The following C11orf52 variants were observed in gnomAD, a reference collection of about 807,000 sequenced individuals.
C11orf52 encodes uncharacterized protein C11orf52.
Under a neutral mutation model 11.7 loss-of-function variants are expected in C11orf52, and 9 were observed. The ratio of observed to expected loss-of-function variants is 0.77; its 90% CI spans 0.46 to 1.34. The LOEUF (loss-of-function observed/expected upper bound fraction) is 1.34. Ranked by LOEUF, C11orf52 falls within the 40% of genes most tolerant of loss-of-function variation. The pLI, the probability that C11orf52 is intolerant of heterozygous loss-of-function variation, is 0.00. For missense variants in C11orf52, 139 were observed against 154.8 expected, an observed-to-expected ratio of 0.90 and a Z score of 0.54; for synonymous variants, 49 against 57.4, an observed-to-expected ratio of 0.85 and a Z score of 0.66.
chr11:111,923,169 G>T (rs373578140), intron 1 of C11orf52, among the ~76,000 whole-genome samples: 2 of 152,338 alleles, frequency 1.3e-5, no homozygotes, highest in South Asian at 4.1e-4. Flanking sequence ...TTAGGATAAG[G>T]CTGACTGAGC....
intron 2 of C11orf52, 75 bp from the exon 3 acceptor site, chr11:111,925,578 T>C: frequency 2.8e-6 from 4 of 1,419,664 alleles, no homozygotes; most frequent in South Asian, 1.2e-5. Flanking sequence ...AATAGTTTAA[T>C]AGTGATTTGA....
In C11orf52 at chr11:111,918,944, CA is replaced by C. The variant is rs1965640847; in HGVS notation, c.-28del. 6.2e-7 allele frequency: 1 copy of C among 1,613,990 alleles called. No homozygotes were observed. Among genetic ancestry groups the C allele is most frequent in the African/African-American group, 1.3e-5 (1 of 74,932 alleles). ...GCACAAGCCTCTTGATGCATAAAAA[CA>C]GCTGGGCTCCCTTGGAGACAGAGCG... On this transcript the variant is annotated 5_prime_UTR_variant, in exon 1 of 4. Transcript: ENST00000278601.
intron 2 of C11orf52, 137 bp downstream of exon 2, chr11:111,924,500 G>A (rs1217215146): frequency 6.9e-6 from 5 of 720,810 alleles, no homozygotes; most frequent in South Asian, 2.0e-5. Flanking sequence ...GAGAATCCAG[G>A]TTGCTGCATT....
chr11:111,918,936 C>T lies in C11orf52; in HGVS notation c.-37C>T. 6.2e-7 allele frequency: 1 copy of T among 1,613,758 alleles called. No individual in the cohort carries two copies. Among genetic ancestry groups the T allele is most frequent in the South Asian group, 1.1e-5 (1 of 91,012 alleles). Reference sequence around the variant, plus strand: ...CCGGAAATGCACAAGCCTCTTGATGCATAAAAACAGCTGGGCTCCCTTGGA... The same window carrying T: ...CCGGAAATGCACAAGCCTCTTGATGTATAAAAACAGCTGGGCTCCCTTGGA... On this transcript the variant is annotated 5_prime_UTR_variant, in exon 1 of 4. Coordinates refer to ENST00000278601, the MANE Select transcript of C11orf52 (RefSeq NM_080659.3).
At position 111,924,180 on chromosome 11, in the gene C11orf52, A is replaced by T. The variant is rs1965747833; in HGVS notation, c.33-146A>T. The stretch of plus-strand genomic sequence containing the variant: ...TGGTACCCTTGACTAATGTTTTGGG[A>T]CTGAACCTGGCTCAGGGTGAATCTT... On this transcript the variant is annotated intron_variant, in intron 1 of 3. Coordinates refer to ENST00000278601, the MANE Select transcript of C11orf52 (RefSeq NM_080659.3). 3 of 735,210 alleles carry T rather than the reference A, an allele frequency of 4.1e-6. No homozygotes were observed. The Admixed American group carries it at 6.9e-5, about 17-fold the overall frequency. 45.5% of individuals were successfully genotyped at this position (735,210 alleles called of 1,614,324 possible). A position where few individuals can be genotyped will look rare whatever the true frequency, so the allele number is the denominator to read the frequency against.
chr11:111,925,818 T>C (rs1372560528), intron 3 of C11orf52, 104 bp downstream of exon 3: 1 of 1,565,324 alleles, frequency 6.4e-7, no homozygotes, highest in East Asian at 2.3e-5. Context: ...CCTGTAGAAT[T>C]TGCTGGCTCT....
chr11:111,926,283 C>T lies in C11orf52; in HGVS notation c.*84C>T. 2 of 1,567,028 alleles carry T rather than the reference C, an allele frequency of 1.3e-6. No homozygotes were observed. Among genetic ancestry groups the T allele is most frequent in the South Asian group, 1.2e-5 (1 of 85,904 alleles). The stretch of plus-strand genomic sequence containing the variant: ...CTGCTTTGGGGAATTGGGTGGCAAC[C>T]CAGGGATGTTGTCCACGTTTTAAGC... On this transcript the variant is annotated 3_prime_UTR_variant, in exon 4 of 4. Coordinates refer to ENST00000278601, the MANE Select transcript of C11orf52 (RefSeq NM_080659.3).
At chr11:111,919,132 T>G in intron 1 of C11orf52, 128 bp downstream of exon 1, 2 of 1,044,760 alleles carry the variant, frequency 1.9e-6, no homozygotes, top group South Asian at 1.5e-5. Flanking sequence ...GCCTGGTACC[T>G]CCTTGTTCCA....
At chr11:111,924,561 G>A (rs1426498446) in intron 2 of C11orf52, among the ~76,000 whole-genome samples, 198 bp downstream of exon 2, 1 of 152,156 alleles carries the variant, frequency 6.6e-6, no homozygotes, top group East Asian at 1.9e-4. Context: ...ATTTCAGAGT[G>A]GCAGGGTTGG....
At chr11:111,925,565 G>GT in intron 2 of C11orf52, 88 bp from the exon 3 acceptor site, 1 of 1,332,534 alleles carries the variant, frequency 7.5e-7, no homozygotes, top group Non-Finnish European at 1.1e-6. Flanking sequence ...GAAGCCTGCC[G>GT]TTAATAGTTT....
Position 111,918,918 on chromosome 11 carries a change from T to A in C11orf52, c.-55T>A. The A allele has an allele frequency of 2.5e-6, 4 of 1,609,616 alleles. No homozygotes were observed. ...GAAAGCTCAACCAGGAACCCGGAAA[T>A]GCACAAGCCTCTTGATGCATAAAAA... On this transcript the variant is annotated 5_prime_UTR_variant, in exon 1 of 4. An upstream start codon of the reference 5' UTR is lost. Transcript: ENST00000278601.
At position 111,924,368 on chromosome 11, in the gene C11orf52, C is replaced by G. The variant is rs782474669; in HGVS notation, c.70+5C>G. On this transcript the variant is annotated splice_donor_5th_base_variant and intron_variant, in intron 2 of 3. Coordinates refer to ENST00000278601, the MANE Select transcript of C11orf52 (RefSeq NM_080659.3). ...TCCAGAAGAAAAAGAAAACAGGTAA[C>G]TTTGGGGCTGGGGGAGGGAATCTGG... is the stretch of plus-strand genomic sequence containing the variant. The G allele has an allele frequency of 6.2e-7, 1 of 1,612,214 alleles. No individual in the cohort carries two copies. The highest frequency in any genetic ancestry group is 8.5e-7 in the Non-Finnish European group (1 of 1,179,038).
chr11:111,918,950 G>C lies in C11orf52; in HGVS notation c.-23G>C. The C allele has an allele frequency of 6.2e-7, 1 of 1,614,152 alleles. No homozygotes were observed. On this transcript the variant is annotated 5_prime_UTR_variant, in exon 1 of 4. Transcript: ENST00000278601. ...GCCTCTTGATGCATAAAAACAGCTGGGCTCCCTTGGAGACAGAGCGCCATG... is the reference window on the plus strand; with the variant it reads ...GCCTCTTGATGCATAAAAACAGCTGCGCTCCCTTGGAGACAGAGCGCCATG...
At chr11:111,925,202 A>G (rs1258772492) in intron 2 of C11orf52, among the ~76,000 whole-genome samples, 8 of 151,868 alleles carry the variant, frequency 5.3e-5, no homozygotes, top group Non-Finnish European at 1.0e-4. Flanking sequence ...AGCTCATGAA[A>G]AAAAAAAAAA....
chr11:111,925,271 TGTAA>T (rs1555166823), intron 2 of C11orf52, among the ~76,000 whole-genome samples: 2 of 152,108 alleles, frequency 1.3e-5, no homozygotes, highest in African/African-American at 2.4e-5. Flanking sequence ...CACCTTGCAT[TGTAA>T]GTGTGTTTAC....
chr11:111,925,392 C>T (rs1965775466), intron 2 of C11orf52, among the ~76,000 whole-genome samples: 1 of 138,840 alleles, frequency 7.2e-6, no homozygotes, highest in African/African-American at 3.1e-5. Context: ...GCCTGGCACA[C>T]AATGGGTTCT....
rs1965812535 is a variant in C11orf52 at position 111,926,428 on chromosome 11, G to C, written c.*229G>C. 8.1e-6 allele frequency: 5 copies of C among 616,552 alleles called. No individual in the cohort carries two copies. In the South Asian group the frequency reaches 1.0e-4, roughly 12 times the overall value. 38.2% of individuals were successfully genotyped at this position (616,552 alleles called of 1,614,324 possible). On this transcript the variant is annotated 3_prime_UTR_variant, in exon 4 of 4. Transcript: ENST00000278601. ...AGCTATGGGTGGATAGCTAAACTTAGCTATCCACATGAGGTTAGGTGGAGT... is the reference window on the plus strand; with the variant it reads ...AGCTATGGGTGGATAGCTAAACTTACCTATCCACATGAGGTTAGGTGGAGT...
intron 2 of C11orf52, among the ~76,000 whole-genome samples, chr11:111,925,134 T>G (rs1965767109): frequency 6.8e-6 from 1 of 146,964 alleles, no homozygotes; most frequent in Non-Finnish European, 1.5e-5. Flanking sequence ...AATAAATAAA[T>G]AAAAGCAAAG....
Position 111,926,354 on chromosome 11 carries a change from C to A in C11orf52, c.*155C>A. The A allele has an allele frequency of 8.7e-7, 1 of 1,154,922 alleles. No individual in the cohort carries two copies. The highest frequency in any genetic ancestry group is 1.2e-6 in the Non-Finnish European group (1 of 830,788). The allele number at this position is 1,154,922 out of a possible 1,614,324, so 71.5% of individuals were successfully genotyped here. On this transcript the variant is annotated 3_prime_UTR_variant, in exon 4 of 4. Transcript: ENST00000278601. ...TGGAATTGTGGGCGTCCCATTTTCTCCCCTGGCCTCTTACTTGCCACTGTT... is the reference window on the plus strand; with the variant it reads ...TGGAATTGTGGGCGTCCCATTTTCTACCCTGGCCTCTTACTTGCCACTGTT...
Sources: allele counts gnomAD v4.1 joint callset (sites outside exome capture counted in the v4.1 genomes callset), GRCh38; gene constraint gnomAD v4.1.1; transcripts MANE v1.5; gene names NCBI Gene and HGNC (gene_info 2026-07-23, HGNC 2026-07-21).